The following DNAH14 variants were observed in gnomAD, a reference collection of about 807,000 sequenced individuals.
The protein encoded by DNAH14 is dynein axonemal heavy chain 14.
In DNAH14, 478 loss-of-function variants were observed where a neutral mutation model predicts 520.9. The ratio of observed to expected loss-of-function variants is 0.92; its 90% CI spans 0.85 to 0.99. The LOEUF is 0.99. Ranked by LOEUF, DNAH14 falls within the 50% of genes least tolerant of loss-of-function variation. DNAH14 has a pLI of 0.00. For missense variants in DNAH14, 4,831 were observed against 5,234.5 expected, an observed-to-expected ratio of 0.92 and a Z score of 2.38; for synonymous variants, 1,581 against 1,757.2, an observed-to-expected ratio of 0.90 and a Z score of 2.51.
chr1:225,067,803 GA>G (rs1307994059), intron 17 of DNAH14, among the ~76,000 whole-genome samples: 1 of 151,778 alleles, frequency 6.6e-6, no homozygotes, highest in African/African-American at 2.4e-5. Context: ...TGAGTTGTTT[GA>G]TTTTTCTTGT....
At chr1:225,335,041 CAT>C (rs538864609) in intron 66 of DNAH14, among the ~76,000 whole-genome samples, 247 of 148,448 alleles carry the variant, frequency 1.7e-3, no homozygotes, top group African/African-American at 5.7e-3. Context: ...CATATATACA[CAT>C]ATATACATAT....
intron 9 of DNAH14, among the ~76,000 whole-genome samples, chr1:225,006,595 T>A (rs1176794889): frequency 6.6e-6 from 1 of 152,180 alleles, no homozygotes; most frequent in Admixed American, 6.6e-5. Context: ...GCCCTCAGGC[T>A]TGCTAGGATT....
At chr1:225,277,888 C>T (rs2093527617) in intron 54 of DNAH14, among the ~76,000 whole-genome samples, 1 of 151,990 alleles carries the variant, frequency 6.6e-6, no homozygotes, top group Non-Finnish European at 1.5e-5. Flanking sequence ...GGAAAATTCC[C>T]CAATATACTT....
chr1:225,207,203 A>G lies in DNAH14; in HGVS notation c.6422A>G (p.Asn2141Ser). 6.5e-7 allele frequency: 1 copy of G among 1,528,290 alleles called. No individual in the cohort carries two copies. The highest frequency in any genetic ancestry group is 1.2e-5 in the South Asian group (1 of 80,394). The allele number at this position is 1,528,290 out of a possible 1,614,324, so 94.7% of individuals were successfully genotyped here. A position where few individuals can be genotyped will look rare whatever the true frequency, so the allele number is the denominator to read the frequency against. The change falls in exon 41 of 86, where the codon AAT becomes AGT. Residue 2141 changes from asparagine to serine, a missense_variant. Coordinates refer to ENST00000682510, the MANE Select transcript of DNAH14 (RefSeq NM_001367479.1). ...GCTTTCTTTGACTTCATGGGTAAAAATGGAGGATTTGAACAAAGTGAGTTT... is the reference window on the plus strand; with the variant it reads ...GCTTTCTTTGACTTCATGGGTAAAAGTGGAGGATTTGAACAAAGTGAGTTT... ...LDAFFDFMGKNGGFEQSDDLN... is the reference protein window; with the variant it reads ...LDAFFDFMGKSGGFEQSDDLN...
At chr1:225,263,894 C>A (rs757370582) in intron 46 of DNAH14, among the ~76,000 whole-genome samples, 1 of 151,968 alleles carries the variant, frequency 6.6e-6, no homozygotes, top group Non-Finnish European at 1.5e-5. Context: ...ATCCGTAAGG[C>A]AAATCACATT....
At chr1:225,294,683 G>A (rs1429523996) in intron 55 of DNAH14, among the ~76,000 whole-genome samples, 2 of 152,032 alleles carry the variant, frequency 1.3e-5, no homozygotes, top group African/African-American at 4.8e-5. Flanking sequence ...AATTAGCCTG[G>A]TGTGGTGGCA....
intron 7 of DNAH14, among the ~76,000 whole-genome samples, chr1:224,971,931 GAT>G (rs1479182568): frequency 6.6e-6 from 1 of 152,206 alleles, no homozygotes; most frequent in East Asian, 1.9e-4. Context: ...ATTGGGGCTA[GAT>G]AGGTTTTTGA....
At position 225,346,276 on chromosome 1, in the gene DNAH14, G is replaced by A. The variant is rs1327429666; in HGVS notation, c.10993G>A (p.Glu3665Lys). The A allele has an allele frequency of 1.3e-6, 2 of 1,550,110 alleles. No homozygotes were observed. Among genetic ancestry groups the A allele is most frequent in the Non-Finnish European group, 1.7e-6 (2 of 1,146,668 alleles). ...GAAAGTGTCTCCAAAAGAAGTTCATGAGTTTATAAGTATTTCAAAAGAACC... is the reference window on the plus strand; with the variant it reads ...GAAAGTGTCTCCAAAAGAAGTTCATAAGTTTATAAGTATTTCAAAAGAACC... The part of the protein sequence containing the change: ...REKVSPKEVH[E>K]FISISKEPNL... The change falls in exon 70 of 86, where the codon GAG becomes AAG. Residue 3665 changes from glutamate to lysine, a missense_variant. Physicochemically the swap from Glu to Lys is moderately conservative, Grantham distance 56. Coordinates refer to ENST00000682510, the MANE Select transcript of DNAH14 (RefSeq NM_001367479.1).
intron 81 of DNAH14, 111 bp from the exon 82 acceptor site, chr1:225,388,268 C>A: frequency 1.8e-6 from 1 of 566,416 alleles, no homozygotes. Context: ...ATCCTCCTGC[C>A]AAGTTATTTC....
At chr1:225,182,765 G>T (rs1291514562) in intron 36 of DNAH14, among the ~76,000 whole-genome samples, 1 of 152,160 alleles carries the variant, frequency 6.6e-6, no homozygotes, top group African/African-American at 2.4e-5. Flanking sequence ...TTCCAGGCTG[G>T]TGAGCACAAA....
chr1:225,360,498 G>A (rs183811180), intron 74 of DNAH14, among the ~76,000 whole-genome samples, 183 bp from the exon 75 acceptor site: 17 of 152,302 alleles, frequency 1.1e-4, no homozygotes, highest in Non-Finnish European at 2.2e-4. Context: ...TATCATCCTC[G>A]TGTGTTAGGC....
intron 35 of DNAH14, among the ~76,000 whole-genome samples, chr1:225,162,994 G>A (rs1042153649): frequency 5.3e-5 from 8 of 151,542 alleles, no homozygotes; most frequent in South Asian, 2.1e-4. Flanking sequence ...AAAAATTAGC[G>A]GGGCGTGGTG....
intron 6 of DNAH14, 52 bp from the exon 7 acceptor site, chr1:224,968,707 G>A (rs1349504185): frequency 2.7e-6 from 3 of 1,095,368 alleles, no homozygotes; most frequent in Non-Finnish European, 3.8e-6. Flanking sequence ...TCTTGAAAAT[G>A]GTACATATTT....
intron 49 of DNAH14, 35 bp downstream of exon 49, chr1:225,266,804 T>C (rs1211797395): frequency 6.9e-7 from 1 of 1,445,290 alleles, no homozygotes; most frequent in Non-Finnish European, 9.1e-7. Context: ...TCACATTAAG[T>C]ATTATTTCTC....
At chr1:225,168,958 G>C (rs1432930675) in intron 36 of DNAH14, among the ~76,000 whole-genome samples, 1 of 152,150 alleles carries the variant, frequency 6.6e-6, no homozygotes, top group Non-Finnish European at 1.5e-5. Flanking sequence ...AAAACTTCCA[G>C]AGGAACGATC....
chr1:225,346,039 A>T lies in DNAH14; in HGVS notation c.10756A>T (p.Ile3586Phe), dbSNP rs938130129. ...KMTSNEISKR[I>F]EATKKAESEI... ...GACATCAAACGAAATTTCAAAGCGC[A>T]TCGAAGCAACAAAAAAAGCTGAAAG... The change falls in exon 70 of 86, where the codon ATC becomes TTC. Residue 3586 changes from isoleucine (I) to phenylalanine (F), a missense_variant. By Grantham distance (21) the Ile-to-Phe change is conservative. Coordinates refer to ENST00000682510, the MANE Select transcript of DNAH14 (RefSeq NM_001367479.1). 1.9e-6 allele frequency: 3 copies of T among 1,551,602 alleles called. No homozygotes were observed. The African/African-American group carries it at 4.1e-5, about 21-fold the overall frequency.
At chr1:225,101,321 G>A (rs376672406) in intron 23 of DNAH14, among the ~76,000 whole-genome samples, 2 of 151,970 alleles carry the variant, frequency 1.3e-5, no homozygotes, top group East Asian at 1.9e-4. Context: ...CAAGGTAAAC[G>A]TATCCGTAGC....
intron 11 of DNAH14, among the ~76,000 whole-genome samples, chr1:225,037,825 G>A (rs2067108271): frequency 6.6e-6 from 1 of 152,144 alleles, no homozygotes; most frequent in South Asian, 2.1e-4. Flanking sequence ...TGAGATTACA[G>A]GCGTGTGCCA....
rs190402075 is a variant in DNAH14, at chr1:225,194,735, T to C, written c.5886+1824T>C. The stretch of plus-strand genomic sequence containing the variant: ...ATCAACAGAATAAGCAGATAACCTA[T>C]AGAATTGGAGAAAATATTTGCAAAC... On this transcript the variant is annotated intron_variant, in intron 38 of 85. Coordinates refer to ENST00000682510, the MANE Select transcript of DNAH14 (RefSeq NM_001367479.1). Among the ~76,000 whole-genome samples the C allele has an allele frequency of 1.8e-4, 28 of 152,072 alleles. No individual in the cohort carries two copies. In the East Asian group the frequency reaches 3.5e-3, roughly 19 times the overall value.
Sources: gnomAD v4.1 joint callset for allele counts (sites outside exome capture counted in the v4.1 genomes callset) on GRCh38, gnomAD v4.1.1 for gene constraint, MANE v1.5 for transcripts, NCBI Gene and HGNC (gene_info 2026-07-23, HGNC 2026-07-21) for gene names.